HINFP: variants seen among roughly 807,000 people sequenced by gnomAD.
HINFP encodes MBD2 (methyl-CpG-binding protein)-interacting zinc finger protein.
HINFP carries 20 observed loss-of-function variants against 50.1 expected under a neutral mutation model. The ratio of observed to expected loss-of-function variants is 0.40; its 90% CI spans 0.28 to 0.58. HINFP has a LOEUF of 0.58. Among genes scored for constraint, HINFP ranks in the 20% least tolerant of loss-of-function variants. The pLI is 0.45. For synonymous variants in HINFP, 247 were observed against 243.7 expected (o/e 1.01, Z -0.13); for missense variants, 505 against 664.1 (o/e 0.76, Z 2.63).
In HINFP at chr11:119,132,948, C is replaced by T; in HGVS notation, c.960C>T (p.Thr320=). 2.5e-6 allele frequency: 4 copies of T among 1,614,230 alleles called. No individual in the cohort carries two copies. Among genetic ancestry groups the T allele is most frequent in the Non-Finnish European group, 3.4e-6 (4 of 1,180,046 alleles). The change falls in exon 8 of 10, where the codon ACC becomes ACT. Residue 320 remains threonine (T), a synonymous_variant. Coordinates refer to ENST00000350777, the MANE Select transcript of HINFP (RefSeq NM_198971.3). ...ACAGGTGTGATTTTGAGAACTGCAC[C>T]TTCAGTGCCCGATCCCTCTGCTCTA... The part of the protein sequence containing the change: ...PAYRCDFENC[T]FSARSLCSIK...
Position 119,131,341 on chromosome 11 carries a change from A to C in HINFP, c.412-194A>C. 1 of 605,388 alleles carries C rather than the reference A, an allele frequency of 1.7e-6. No individual in the cohort carries two copies. The highest frequency in any genetic ancestry group is 1.8e-5 in the African/African-American group (1 of 54,554). 37.5% of individuals were successfully genotyped at this position (605,388 alleles called of 1,614,324 possible). Reference sequence around the variant, plus strand: ...TGGCCTCAAGTGATTCTCCTGCCTCAGCCTCTCAAAGTGCTGGGATTACAG... The same window carrying C: ...TGGCCTCAAGTGATTCTCCTGCCTCCGCCTCTCAAAGTGCTGGGATTACAG... On this transcript the variant is annotated intron_variant, in intron 3 of 9. Coordinates refer to ENST00000350777, the MANE Select transcript of HINFP (RefSeq NM_198971.3). The surrounding 1 kb of genome is among the most constrained non-coding windows in gnomAD (Gnocchi z 4.2).
chr11:119,127,800 T>G (rs1000872765), intron 2 of HINFP, among the ~76,000 whole-genome samples: 5 of 151,906 alleles, frequency 3.3e-5, no homozygotes, highest in African/African-American at 1.2e-4. Flanking sequence ...CTTAGCCTCC[T>G]AAGTAGCTGG....
intron 1 of HINFP, among the ~76,000 whole-genome samples, chr11:119,122,711 G>C (rs1947137751): frequency 6.6e-6 from 1 of 152,182 alleles, no homozygotes; most frequent in South Asian, 2.1e-4. Context: ...TCATTGCATT[G>C]ATAGCAAAGA....
chr11:119,134,549 G>A lies in HINFP; in HGVS notation c.*51G>A, dbSNP rs1565805416. 6.9e-7 allele frequency: 1 copy of A among 1,442,326 alleles called. No individual in the cohort carries two copies. 89.3% of individuals were successfully genotyped at this position (1,442,326 alleles called of 1,614,324 possible). ...CCCCAGGTCCTGAAGTTTGAGCCAG[G>A]CAAGTGGCAGTGCCCCTAGTGGGCA... On this transcript the variant is annotated 3_prime_UTR_variant, in exon 10 of 10. Coordinates refer to ENST00000350777, the MANE Select transcript of HINFP (RefSeq NM_198971.3). The surrounding 1 kb of genome is among the most constrained non-coding windows in gnomAD (Gnocchi z 4.3).
intron 7 of HINFP, 37 bp from the exon 8 acceptor site, chr11:119,132,827 C>T: frequency 1.9e-6 from 3 of 1,613,984 alleles, no homozygotes; most frequent in Non-Finnish European, 2.5e-6. Context: ...TCCAGTGTTC[C>T]CCATGTCCTC....
intron 1 of HINFP, chr11:119,125,563 G>GTTAC (rs1947343830): frequency 6.6e-6 from 1 of 152,210 alleles, no homozygotes; most frequent in Non-Finnish European, 1.5e-5. Flanking sequence ...TGTGGTCCCA[G>GTTAC]TTACTTGGGA....
At position 119,134,474 on chromosome 11, in the gene HINFP, G is replaced by A. The variant is rs778301512; in HGVS notation, c.1530G>A (p.Glu510=). The A allele has an allele frequency of 1.9e-6, 3 of 1,607,190 alleles. No individual in the cohort carries two copies. The South Asian group carries it at 3.3e-5, about 18-fold the overall frequency. The change falls in exon 10 of 10, where the codon GAG becomes GAA. Residue 510 remains glutamate (E), a synonymous_variant. Transcript: ENST00000350777. This position sits in a 1 kb window ranked among gnomAD's most constrained non-coding sequence, Gnocchi z 4.3. ...TGGAAAAGCTTCAAGGAATAGCTGA[G>A]GAGCCAGAGATCCAGATGGTTTGAA... The part of the protein sequence containing the change: ...GIMEKLQGIA[E]EPEIQMV
At chr11:119,124,454 A>G (rs1331615399) in intron 1 of HINFP, 1 of 152,152 alleles carries the variant, frequency 6.6e-6, no homozygotes, top group Non-Finnish European at 1.5e-5. Flanking sequence ...AGACAGAGCC[A>G]AGGCCGGCTA....
chr11:119,131,649 A>C lies in HINFP; in HGVS notation c.523+3A>C, dbSNP rs770795454. ...GGTGGTGCTGTGTGGCTGGAAAGGT[A>C]GGGCTGCTTCTTAACTTGTGGCTTC... On this transcript the variant is annotated splice_donor_region_variant and intron_variant, in intron 4 of 9. Transcript: ENST00000350777. This position sits in a 1 kb window ranked among gnomAD's most constrained non-coding sequence, Gnocchi z 4.2. 6.2e-7 allele frequency: 1 copy of C among 1,612,366 alleles called. No homozygotes were observed. Among genetic ancestry groups the C allele is most frequent in the East Asian group, 2.2e-5 (1 of 44,870 alleles).
rs2135080122 is a variant in HINFP, at chr11:119,132,716, C to T, written c.810C>T (p.Leu270=). 1 of 1,614,044 alleles carries T rather than the reference C, an allele frequency of 6.2e-7. No homozygotes were observed. Among genetic ancestry groups the T allele is most frequent in the Non-Finnish European group, 8.5e-7 (1 of 1,180,048 alleles). Residue 270 remains leucine (L), a synonymous_variant, in exon 7 of 10, where the codon CTC becomes CTT. Coordinates refer to ENST00000350777, the MANE Select transcript of HINFP (RefSeq NM_198971.3). The part of the protein sequence containing the change: ...CDMTCPLPSS[L]RNHMRFRHSE... The stretch of plus-strand genomic sequence containing the variant: ...TGACCTGCCCGCTGCCTTCCTCCCT[C>T]CGCAACCACATGCGCTTTCGTCACA...
rs1202315711 is a variant in HINFP, at chr11:119,135,017, A to C, written c.*519A>C. 2.0e-5 allele frequency: 3 copies of C among 153,178 alleles called. No homozygotes were observed. Among genetic ancestry groups the C allele is most frequent in the Admixed American group, 2.0e-4 (3 of 15,330 alleles). 9.5% of individuals were successfully genotyped at this position (153,178 alleles called of 1,614,324 possible). On this transcript the variant is annotated 3_prime_UTR_variant, in exon 10 of 10. Transcript: ENST00000350777. Reference sequence around the variant, plus strand: ...GGAGGCATTGAGCGTGTTTATTAACAAATTGTTTTTGGTAATAAAATAAAT... The same window carrying C: ...GGAGGCATTGAGCGTGTTTATTAACCAATTGTTTTTGGTAATAAAATAAAT...
At chr11:119,126,496 G>A (rs1397141063) in intron 1 of HINFP, 1 of 153,860 alleles carries the variant, frequency 6.5e-6, no homozygotes, top group African/African-American at 2.4e-5. Context: ...TCTTCATTTT[G>A]CAGATGAGAG....
At chr11:119,129,308 G>A (rs1365787301) in intron 2 of HINFP, among the ~76,000 whole-genome samples, 1 of 151,820 alleles carries the variant, frequency 6.6e-6, no homozygotes, top group Non-Finnish European at 1.5e-5. Context: ...CAAAGTGTTG[G>A]GATTACAGGC....
intron 2 of HINFP, 112 bp downstream of exon 2, chr11:119,127,237 A>G (rs917560279): frequency 1.1e-6 from 1 of 887,262 alleles, no homozygotes; most frequent in Non-Finnish European, 1.6e-6. Context: ...TATTTTCCTA[A>G]TTGTGTTTTT....
At chr11:119,129,241 A>G (rs1194181891) in intron 2 of HINFP, among the ~76,000 whole-genome samples, 2 of 151,914 alleles carry the variant, frequency 1.3e-5, no homozygotes, top group Admixed American at 1.3e-4. Context: ...GGATTTCACC[A>G]TATTGGCCAG....
chr11:119,130,341 A>G (rs865965721), intron 2 of HINFP: 4 of 250,032 alleles, frequency 1.6e-5, no homozygotes, highest in Non-Finnish European at 2.4e-5. Context: ...AGAGTTCAAC[A>G]TGGGGACGTT....
At position 119,134,890 on chromosome 11, in the gene HINFP, C is replaced by T. The variant is rs1043976; in HGVS notation, c.*392C>T. 1 of 166,842 alleles carries T rather than the reference C, an allele frequency of 6.0e-6. No individual in the cohort carries two copies. Among genetic ancestry groups the T allele is most frequent in the African/African-American group, 2.4e-5 (1 of 41,970 alleles). 10.3% of individuals were successfully genotyped at this position (166,842 alleles called of 1,614,324 possible). On this transcript the variant is annotated 3_prime_UTR_variant, in exon 10 of 10. Transcript: ENST00000350777. The surrounding 1 kb of genome is among the most constrained non-coding windows in gnomAD (Gnocchi z 4.3). ...TGACTGGTCCCTGCAAGGGTCCTTT[C>T]TTTGTCACCAGCCAAGGCATTGATA...
chr11:119,132,842 C>A (rs1268513910), intron 7 of HINFP, 22 bp from the exon 8 acceptor site: 2 of 1,614,028 alleles, frequency 1.2e-6, no homozygotes, highest in African/African-American at 1.3e-5. Flanking sequence ...GTCCTCCAAT[C>A]CCTCCTGATT....
chr11:119,129,571 C>T (rs1947639482), intron 2 of HINFP, among the ~76,000 whole-genome samples: 1 of 151,282 alleles, frequency 6.6e-6, no homozygotes, highest in Admixed American at 6.6e-5. Flanking sequence ...TGCCACTCTC[C>T]TGCCTCAGCC....
Sources: gnomAD v4.1 joint callset for allele counts (sites outside exome capture counted in the v4.1 genomes callset) on GRCh38, gnomAD v4.1.1 for gene constraint, Gnocchi (gnomAD v3.1) non-coding constraint, MANE v1.5 for transcripts, NCBI Gene and HGNC (gene_info 2026-07-23, HGNC 2026-07-21) for gene names.